The following COG2 variants were observed in gnomAD, a reference collection of about 807,000 sequenced individuals.
COG2 encodes the protein component of oligomeric golgi complex 2.
In COG2, 52 loss-of-function variants were observed where a neutral mutation model predicts 90.6. The observed-to-expected ratio is 0.57, with a 90% confidence interval of 0.46 to 0.72. The LOEUF (loss-of-function observed/expected upper bound fraction) is 0.72. COG2 is among the 30% of genes least tolerant of loss of function. The pLI, the probability that COG2 is intolerant of heterozygous loss-of-function variation, is 0.00. For synonymous variants in COG2, 337 were observed against 320.4 expected (o/e 1.05, Z -0.55); for missense variants, 829 against 891.2 (o/e 0.93, Z 0.89).
chr1:230,672,635 A>G (rs1370208622), intron 8 of COG2, among the ~76,000 whole-genome samples: 1 of 151,002 alleles, frequency 6.6e-6, no homozygotes, highest in Non-Finnish European at 1.5e-5. Context: ...GTTCAAGACC[A>G]GCCTGGGCAA....
intron 9 of COG2, among the ~76,000 whole-genome samples, chr1:230,677,611 G>A (rs947330269): frequency 2.1e-5 from 3 of 140,038 alleles, no homozygotes; most frequent in Non-Finnish European, 4.7e-5. Context: ...GCAATTGTAA[G>A]CTTTAAGCAC....
chr1:230,690,044 G>T lies in COG2; in HGVS notation c.1825G>T (p.Asp609Tyr). 4 of 1,610,958 alleles carry T rather than the reference G, an allele frequency of 2.5e-6. No homozygotes were observed. Among genetic ancestry groups the T allele is most frequent in the Non-Finnish European group, 3.4e-6 (4 of 1,178,578 alleles). ...CCCAACCACAGCTTCCTCCTATGTGGACAGTGCTCTGAAGCCCTTATTCCA... is the reference window on the plus strand; with the variant it reads ...CCCAACCACAGCTTCCTCCTATGTGTACAGTGCTCTGAAGCCCTTATTCCA... ...EVPTTASSYVDSALKPLFQLQ... is the reference protein window; with the variant it reads ...EVPTTASSYVYSALKPLFQLQ... The change falls in exon 16 of 18, where the codon GAC becomes TAC. Residue 609 changes from aspartate (D) to tyrosine (Y), a missense_variant. Transcript: ENST00000366669.
chr1:230,675,206 T>C, intron 9 of COG2, 82 bp downstream of exon 9: 1 of 1,430,764 alleles, frequency 7.0e-7, no homozygotes, highest in Admixed American at 2.6e-5. Context: ...TACTTAGTCT[T>C]GGTTCTGTGG....
chr1:230,643,291 G>A (rs981554161), intron 1 of COG2, among the ~76,000 whole-genome samples: 1 of 152,182 alleles, frequency 6.6e-6, no homozygotes, highest in Non-Finnish European at 1.5e-5. Flanking sequence ...TTAGAGAAAA[G>A]AAATATAAAC....
chr1:230,691,484 G>T lies in COG2; in HGVS notation c.2035G>T (p.Val679Phe). Residue 679 changes from valine to phenylalanine, a missense_variant, in exon 17 of 18, where the codon GTC (valine) becomes TTC (phenylalanine). Physicochemically the swap from Val to Phe is conservative, Grantham distance 50. Coordinates refer to ENST00000366669, the MANE Select transcript of COG2 (RefSeq NM_007357.3). ...CAGAAAAACCACTCCCGCCAACCCC[G>T]TCGGTCCCAGTGGTGGCATGAGCGA... ...QARKTTPANP[V>F]GPSGGMSDDD... 1 of 1,614,116 alleles carries T rather than the reference G, an allele frequency of 6.2e-7. No individual in the cohort carries two copies. The highest frequency in any genetic ancestry group is 8.5e-7 in the Non-Finnish European group (1 of 1,180,028).
At chr1:230,693,247 C>T (rs745793258) in intron 17 of COG2, 45 bp from the exon 18 acceptor site, 11 of 1,130,666 alleles carry the variant, frequency 9.7e-6, no homozygotes. Flanking sequence ...CCCCCATATT[C>T]AGCTTGAATT....
Position 230,642,489 on chromosome 1 carries a change from G to T in COG2, c.-118G>T, listed in dbSNP as rs1441868261. ...GCGGCGCGGGCGCTGCCATGTTGGCGGAAGCGGACCCCCCTGTGCCGTGGA... is the reference window on the plus strand; with the variant it reads ...GCGGCGCGGGCGCTGCCATGTTGGCTGAAGCGGACCCCCCTGTGCCGTGGA... On this transcript the variant is annotated 5_prime_UTR_variant, in exon 1 of 18. Coordinates refer to ENST00000366669, the MANE Select transcript of COG2 (RefSeq NM_007357.3). 3.2e-6 allele frequency: 3 copies of T among 927,146 alleles called. No homozygotes were observed. 57.4% of individuals were successfully genotyped at this position (927,146 alleles called of 1,614,324 possible).
chr1:230,643,586 A>T (rs1661682487), intron 1 of COG2, among the ~76,000 whole-genome samples: 1 of 61,280 alleles, frequency 1.6e-5, no homozygotes, highest in South Asian at 8.8e-4. Context: ...TTGGTGACAT[A>T]ATGTTTTCTA....
chr1:230,673,837 G>A (rs1431914986), intron 8 of COG2, among the ~76,000 whole-genome samples: 1 of 152,230 alleles, frequency 6.6e-6, no homozygotes, highest in African/African-American at 2.4e-5. Context: ...GGACAGTGAA[G>A]CAAAGCTTCC....
chr1:230,644,845 A>C (rs933697633), intron 1 of COG2, among the ~76,000 whole-genome samples: 4 of 152,162 alleles, frequency 2.6e-5, no homozygotes, highest in Admixed American at 1.3e-4. Flanking sequence ...GTTGGAACTG[A>C]CTGGTGGCGG....
chr1:230,662,195 G>A (rs1157231394), intron 3 of COG2, among the ~76,000 whole-genome samples: 1 of 152,054 alleles, frequency 6.6e-6, no homozygotes, highest in Non-Finnish European at 1.5e-5. Context: ...TTCCACAGCT[G>A]TCTCTATAGC....
chr1:230,678,276 C>T, intron 9 of COG2: 1 of 985,332 alleles, frequency 1.0e-6, no homozygotes, highest in African/African-American at 1.7e-5. Flanking sequence ...TGAGCCTCAA[C>T]AGAAGAAGAA....
At chr1:230,676,536 CG>C (rs1558276213) in intron 9 of COG2, among the ~76,000 whole-genome samples, 1 of 152,108 alleles carries the variant, frequency 6.6e-6, no homozygotes, top group African/African-American at 2.4e-5. Flanking sequence ...ACTTCTATTA[CG>C]TTTTTTTTAA....
intron 16 of COG2, chr1:230,690,368 C>T: frequency 2.2e-6 from 1 of 454,960 alleles, no homozygotes; most frequent in East Asian, 3.9e-5. Flanking sequence ...TGGGCTTCAG[C>T]CTCGGGGCCG....
At chr1:230,645,782 C>G (rs981602653) in intron 1 of COG2, among the ~76,000 whole-genome samples, 1 of 152,142 alleles carries the variant, frequency 6.6e-6, no homozygotes, top group Non-Finnish European at 1.5e-5. Flanking sequence ...GAGACACTGA[C>G]AGATCATTCA....
intron 10 of COG2, chr1:230,680,482 G>A (rs1316524995): frequency 6.6e-6 from 1 of 151,916 alleles, no homozygotes; most frequent in Admixed American, 6.6e-5. Flanking sequence ...TGCCAGGCTG[G>A]GCCCCTTGGT....
chr1:230,642,599 C>A lies in COG2; in HGVS notation c.-8C>A. The A allele has an allele frequency of 4.3e-6, 7 of 1,610,150 alleles. No individual in the cohort carries two copies. The highest frequency in any genetic ancestry group is 5.9e-6 in the Non-Finnish European group (7 of 1,178,422). On this transcript the variant is annotated 5_prime_UTR_variant, in exon 1 of 18. Transcript: ENST00000366669. ...GGATCTTGGCACTGAGAGGCGGTGG[C>A]CGGCGGGATGGAGAAAAGTAGGATG... is the stretch of plus-strand genomic sequence containing the variant.
At chr1:230,670,862 C>G (rs1168800068) in intron 7 of COG2, 1 of 152,000 alleles carries the variant, frequency 6.6e-6, no homozygotes, top group Non-Finnish European at 1.5e-5. Context: ...ATCTGCCTGC[C>G]TTGGTCTCCC....
In COG2 at chr1:230,688,162, T is replaced by C. The variant is rs1662928565; in HGVS notation, c.1651+19T>C. The C allele has an allele frequency of 1.2e-5, 18 of 1,490,496 alleles. No homozygotes were observed. Among genetic ancestry groups the C allele is most frequent in the Non-Finnish European group, 1.7e-5 (18 of 1,087,580 alleles). 92.3% of individuals were successfully genotyped at this position (1,490,496 alleles called of 1,614,324 possible). A position where few individuals can be genotyped will look rare whatever the true frequency, so the allele number is the denominator to read the frequency against. Reference sequence around the variant, plus strand: ...ATCTCAGGTAAAAATGAATCTTGACTAAGCAAATCTTTGAATAAGAAATGA... The same window carrying C: ...ATCTCAGGTAAAAATGAATCTTGACCAAGCAAATCTTTGAATAAGAAATGA... On this transcript the variant is annotated intron_variant, in intron 14 of 17. Transcript: ENST00000366669.
Sources: gnomAD v4.1 joint callset for allele counts (sites outside exome capture counted in the v4.1 genomes callset) on GRCh38, gnomAD v4.1.1 for gene constraint, MANE v1.5 for transcripts, NCBI Gene and HGNC (gene_info 2026-07-23, HGNC 2026-07-21) for gene names.